Variants in NRK observed in about 807,000 individuals in gnomAD.
The protein encoded by NRK is nik-related protein kinase.
In NRK, 67 loss-of-function variants were observed where a neutral mutation model predicts 125.2. The ratio of observed to expected loss-of-function variants is 0.54; its 90% CI spans 0.44 to 0.66. The LOEUF is 0.66. NRK is among the 30% of genes least tolerant of loss of function. The pLI is 0.00. For synonymous variants in NRK, 458 were observed against 429.0 expected (o/e 1.07, Z -0.84); for missense variants, 1,224 against 1,192.9 (o/e 1.03, Z -0.38).
At chrX:105,833,276 A>G (rs1238608428) in intron 2 of NRK, among the ~76,000 whole-genome samples, 1 of 111,564 alleles carries the variant, frequency 9.0e-6, no homozygotes, top group Non-Finnish European at 1.9e-5. Context: ...GGCTACCTCA[A>G]TTCCATCCTG....
At chrX:105,916,154 C>T (rs925726530) in intron 15 of NRK, among the ~76,000 whole-genome samples, 9 of 111,183 alleles carry the variant, frequency 8.1e-5, no homozygotes, top group South Asian at 3.7e-4. Context: ...CATGATAAAA[C>T]ACACACACCA....
In NRK at chrX:105,859,417, T is replaced by C. The variant is rs192088021; in HGVS notation, c.124-20782T>C. Among the ~76,000 whole-genome samples the C allele has an allele frequency of 8.7e-4, 97 of 111,799 alleles. No individual in the cohort carries two copies. In the East Asian group the frequency reaches 0.012, roughly 14 times the overall value. On this transcript the variant is annotated intron_variant, in intron 2 of 28. Transcript: ENST00000243300. ...GGTTGTTTTCATCCTGCAAGGAGCA[T>C]CAATAAATGAAACCTGCCAGATAAG...
At chrX:105,842,131 C>CA (rs1249547139) in intron 2 of NRK, among the ~76,000 whole-genome samples, 2 of 111,348 alleles carry the variant, frequency 1.8e-5, no homozygotes, top group African/African-American at 6.5e-5. Flanking sequence ...TGCCCAAGTG[C>CA]AAAAATTTAC....
chrX:105,941,278 A>T (rs2040737214), intron 23 of NRK, among the ~76,000 whole-genome samples: 1 of 111,192 alleles, frequency 9.0e-6, no homozygotes, highest in African/African-American at 3.3e-5. Flanking sequence ...CTCTCAGAAC[A>T]GCAAAAAGCA....
intron 2 of NRK, among the ~76,000 whole-genome samples, chrX:105,833,491 G>A (rs1008263775): frequency 2.7e-5 from 3 of 110,987 alleles, no homozygotes; most frequent in Non-Finnish European, 5.7e-5. Context: ...TGATTCAAAT[G>A]TATAGAGCCA....
chrX:105,923,178 G>A lies in NRK; in HGVS notation c.2671G>A (p.Val891Ile). 8.3e-7 allele frequency: 1 copy of A among 1,204,092 alleles called. No homozygotes were observed. The change falls in exon 18 of 29, where the codon GTA becomes ATA. Residue 891 changes from valine to isoleucine, a missense_variant. Coordinates refer to ENST00000243300, the MANE Select transcript of NRK (RefSeq NM_198465.4). Reference protein sequence around the residue: ...SPPVYLTNEWVGYNALSEIFR... With the variant: ...SPPVYLTNEWIGYNALSEIFR... ...CCCTGTATACTTGACAAACGAATGG[G>A]TAGGCTATAATGCACTCTCTGAAAT...
Position 105,935,179 on chromosome X carries a change from G to A in NRK, c.3509G>A (p.Gly1170Glu), listed in dbSNP as rs761025339. The A allele has an allele frequency of 3.4e-6, 4 of 1,190,221 alleles. No homozygotes were observed. In the African/African-American group the frequency reaches 7.1e-5, roughly 21 times the overall value. ...CCTTACATCTTTGCAGTATACGCTG[G>A]ATTCGTAGAAGTACCTGAGGAATCA... Reference protein sequence around the residue: ...ANFASAILYAGFVEVPEESPK... With the variant: ...ANFASAILYAEFVEVPEESPK... Residue 1170 changes from glycine to glutamate, a missense_variant, in exon 21 of 29, where the codon GGA (glycine) becomes GAA (glutamate). Coordinates refer to ENST00000243300, the MANE Select transcript of NRK (RefSeq NM_198465.4).
chrX:105,864,761 G>A, intron 2 of NRK, among the ~76,000 whole-genome samples: 1 of 111,734 alleles, frequency 8.9e-6, no homozygotes, highest in African/African-American at 3.3e-5. Flanking sequence ...AATTTAGGGT[G>A]TCTGAATTTT....
chrX:105,898,856 A>G, intron 8 of NRK, 142 bp downstream of exon 8: 1 of 444,594 alleles, frequency 2.2e-6, no homozygotes, highest in Non-Finnish European at 3.6e-6. Flanking sequence ...ACAAGCCTCT[A>G]TTTCGGTAAG....
rs796810815 is a variant in NRK, at chrX:105,826,054, CTCTA to C, written c.57+3154_57+3157del. Among the ~76,000 whole-genome samples the C allele has an allele frequency of 9.1e-5, 9 of 98,608 alleles. 1 individual carries two copies. Among genetic ancestry groups the C allele is most frequent in the South Asian group, 4.6e-4 (1 of 2,182 alleles). The allele number at this position is 98,608 out of a possible 115,157, so 85.6% of individuals were successfully genotyped here. On this transcript the variant is annotated intron_variant, in intron 1 of 28. Coordinates refer to ENST00000243300, the MANE Select transcript of NRK (RefSeq NM_198465.4). ...TCTGTCTCCGTCTCTCTCTCTCTCT[CTCTA>C]TATATATATATATACACATACACAC...
chrX:105,924,615 C>A, intron 18 of NRK, 80 bp from the exon 19 acceptor site: 1 of 807,044 alleles, frequency 1.2e-6, no homozygotes. Context: ...TAAGACACAT[C>A]CTAATTCTGT....
chrX:105,908,196 T>C lies in NRK; in HGVS notation c.1022-44T>C, dbSNP rs971580291. On this transcript the variant is annotated intron_variant, in intron 11 of 28. Transcript: ENST00000243300. ...TGATTAAGTGGATAACATGCTTATC[T>C]GCTGACTGTTTATGCATTATGTTTT... The C allele has an allele frequency of 1.6e-5, 12 of 756,030 alleles. No individual in the cohort carries two copies. In the Admixed American group the frequency reaches 3.9e-4, roughly 24 times the overall value. 62.3% of individuals were successfully genotyped at this position (756,030 alleles called of 1,213,427 possible). A position where few individuals can be genotyped will look rare whatever the true frequency, so the allele number is the denominator to read the frequency against.
At chrX:105,843,229 T>C (rs2147655502) in intron 2 of NRK, among the ~76,000 whole-genome samples, 2 of 112,608 alleles carry the variant, frequency 1.8e-5, no homozygotes, top group South Asian at 7.3e-4. Flanking sequence ...AGTATTATCA[T>C]TCTACAAGTA....
intron 19 of NRK, among the ~76,000 whole-genome samples, chrX:105,930,795 TG>T (rs2040585052): frequency 9.0e-6 from 1 of 111,105 alleles, no homozygotes; most frequent in Non-Finnish European, 1.9e-5. Flanking sequence ...TGGTTCTGGG[TG>T]GATGCAGCAG....
chrX:105,926,305 G>A (rs1356787578), intron 19 of NRK, among the ~76,000 whole-genome samples: 3 of 111,473 alleles, frequency 2.7e-5, no homozygotes, highest in Admixed American at 9.5e-5. Context: ...AAGTTCTAGG[G>A]TACATGTGCA....
intron 22 of NRK, 67 bp from the exon 23 acceptor site, chrX:105,939,806 CT>C (rs1189400746): frequency 2.9e-5 from 19 of 653,482 alleles, no homozygotes; most frequent in Admixed American, 5.1e-5. Context: ...AATATCTTTA[CT>C]TTTTTTTCTT....
At chrX:105,825,262 AT>A (rs756542277) in intron 1 of NRK, among the ~76,000 whole-genome samples, 10 of 112,358 alleles carry the variant, frequency 8.9e-5, no homozygotes, top group Non-Finnish European at 1.9e-4. Context: ...AGTAGAGTTG[AT>A]AAAGCAAGTA....
chrX:105,956,245 A>G lies in NRK; in HGVS notation c.*645A>G, dbSNP rs959274444. 9.0e-5 allele frequency: 10 copies of G among 111,624 alleles called. No homozygotes were observed. The highest frequency in any genetic ancestry group is 1.5e-4 in the Non-Finnish European group (8 of 53,063). 9.2% of individuals were successfully genotyped at this position (111,624 alleles called of 1,213,427 possible). A position where few individuals can be genotyped will look rare whatever the true frequency, so the allele number is the denominator to read the frequency against. Reference sequence around the variant, plus strand: ...TTTTTAAGCTGGTTTTCTCCTGATAAGAAGAAAGGAAGAAAGCCCCAGACG... The same window carrying G: ...TTTTTAAGCTGGTTTTCTCCTGATAGGAAGAAAGGAAGAAAGCCCCAGACG... On this transcript the variant is annotated 3_prime_UTR_variant, in exon 29 of 29. Coordinates refer to ENST00000243300, the MANE Select transcript of NRK (RefSeq NM_198465.4).
chrX:105,871,043 A>G (rs1024682854), intron 2 of NRK, among the ~76,000 whole-genome samples: 3 of 112,077 alleles, frequency 2.7e-5, no homozygotes, highest in Non-Finnish European at 3.8e-5. Context: ...ACATGTCCCC[A>G]TAGTTGATAT....
Sources: gnomAD v4.1 joint callset for allele counts (sites outside exome capture counted in the v4.1 genomes callset) on GRCh38, gnomAD v4.1.1 for gene constraint, MANE v1.5 for transcripts, NCBI Gene and HGNC (gene_info 2026-07-23, HGNC 2026-07-21) for gene names.